Variants in GPATCH2 observed in about 807,000 individuals in gnomAD.
GPATCH2 encodes G patch domain-containing protein 2.
A neutral mutation model predicts 58.0 loss-of-function variants in GPATCH2; 51 were observed. The ratio of observed to expected loss-of-function variants is 0.88; its 90% confidence interval spans 0.70 to 1.11. GPATCH2 has a LOEUF of 1.11. Ranked by LOEUF, GPATCH2 falls within the 50% of genes most tolerant of loss-of-function variation. GPATCH2 has a pLI of 0.00. For synonymous variants in GPATCH2, 222 were observed against 218.5 expected, an observed-to-expected ratio of 1.02 and a Z score of -0.14; for missense variants, 625 against 652.2, an observed-to-expected ratio of 0.96 and a Z score of 0.45.
intron 6 of GPATCH2, among the ~76,000 whole-genome samples, chr1:217,514,355 C>T (rs190778931): frequency 7.4e-4 from 112 of 151,486 alleles, no homozygotes; most frequent in African/African-American, 2.6e-3. Context: ...AGATGGGTTT[C>T]GCCATGTTGG....
At chr1:217,528,086 G>T (rs1664009725) in intron 5 of GPATCH2, among the ~76,000 whole-genome samples, 3 of 152,130 alleles carry the variant, frequency 2.0e-5, no homozygotes, top group Admixed American at 2.0e-4. Context: ...GCATAAACAA[G>T]TTATGAATCA....
chr1:217,556,683 C>G (rs1305459661), intron 5 of GPATCH2, among the ~76,000 whole-genome samples: 3 of 152,104 alleles, frequency 2.0e-5, no homozygotes, highest in Non-Finnish European at 4.4e-5. Flanking sequence ...TTTTTACATG[C>G]CTCCTAGCAC....
intron 8 of GPATCH2, among the ~76,000 whole-genome samples, chr1:217,461,961 A>G (rs1660219472): frequency 6.6e-6 from 1 of 152,160 alleles, no homozygotes; most frequent in South Asian, 2.1e-4. Context: ...GTGAGGTATC[A>G]CGAGGCTTGT....
Position 217,428,672 on chromosome 1 carries a change from G to A in GPATCH2, c.*2473C>T, listed in dbSNP as rs950659222. 1.3e-5 allele frequency: 2 copies of A among 152,168 alleles called. No individual in the cohort carries two copies. Among genetic ancestry groups the A allele is most frequent in the Non-Finnish European group, 2.9e-5 (2 of 68,020 alleles). The allele number at this position is 152,168 out of a possible 1,614,324, so 9.4% of individuals were successfully genotyped here. A position where few individuals can be genotyped will look rare whatever the true frequency, so the allele number is the denominator to read the frequency against. On this transcript the variant is annotated 3_prime_UTR_variant, in exon 10 of 10. Coordinates refer to ENST00000366935, the MANE Select transcript of GPATCH2 (RefSeq NM_018040.5). Reference sequence around the variant, plus strand: ...CTGTACAATTAAACACTTCAACAGAGTAAGAAGTATTTTAAGTCCTCTGTG... The same window carrying A: ...CTGTACAATTAAACACTTCAACAGAATAAGAAGTATTTTAAGTCCTCTGTG...
chr1:217,444,182 A>G (rs897531455), intron 9 of GPATCH2, among the ~76,000 whole-genome samples: 6 of 152,216 alleles, frequency 3.9e-5, no homozygotes, highest in African/African-American at 1.4e-4. Flanking sequence ...AAGATTATTT[A>G]TCTTCCACAG....
At chr1:217,465,380 A>G (rs1660400517) in intron 8 of GPATCH2, among the ~76,000 whole-genome samples, 1 of 152,160 alleles carries the variant, frequency 6.6e-6, no homozygotes, top group South Asian at 2.1e-4. Flanking sequence ...CAACAAAACA[A>G]AACAAATATA....
At position 217,499,821 on chromosome 1, in the gene GPATCH2, C is replaced by A. The variant is rs182185162; in HGVS notation, c.1167-1426G>T. ...AAAAAACTAAAAGGATTAAAAACAG[C>A]AATTTCTTGTTCCATCTATCCTGAC... On this transcript the variant is annotated intron_variant, in intron 6 of 9. Transcript: ENST00000366935. Among the ~76,000 whole-genome samples the A allele has an allele frequency of 3.3e-3, 497 of 151,438 alleles. 1 individual carries two copies. The highest frequency in any genetic ancestry group is 0.011 in the African/African-American group (458 of 41,296).
At chr1:217,609,897 T>C (rs1668543021) in intron 5 of GPATCH2, 4 of 1,085,982 alleles carry the variant, frequency 3.7e-6, no homozygotes, top group Non-Finnish European at 4.5e-6. Context: ...AAAAAAACCA[T>C]AAAAGAGAAA....
chr1:217,621,898 T>C (rs746109066), intron 1 of GPATCH2, among the ~76,000 whole-genome samples: 8 of 152,228 alleles, frequency 5.3e-5, no homozygotes, highest in Non-Finnish European at 1.2e-4. Context: ...GTGTTTTACA[T>C]ATATTATTTC....
intron 5 of GPATCH2, among the ~76,000 whole-genome samples, chr1:217,558,256 C>A (rs1040955191): frequency 1.3e-5 from 2 of 152,126 alleles, no homozygotes; most frequent in East Asian, 3.9e-4. Context: ...TGAAGGGTTT[C>A]TGTGTGTAAC....
At chr1:217,502,070 T>C (rs1396908580) in intron 6 of GPATCH2, among the ~76,000 whole-genome samples, 2 of 152,060 alleles carry the variant, frequency 1.3e-5, no homozygotes, top group Admixed American at 6.6e-5. Flanking sequence ...TTCTGTTACA[T>C]TGATTTATGT....
intron 8 of GPATCH2, among the ~76,000 whole-genome samples, chr1:217,463,391 A>G (rs1167366877): frequency 2.6e-5 from 4 of 152,114 alleles, no homozygotes; most frequent in African/African-American, 9.7e-5. Context: ...TGCAGCTGGT[A>G]TATCGCATTC....
At chr1:217,463,674 A>AAAAG (rs1660306636) in intron 8 of GPATCH2, among the ~76,000 whole-genome samples, 1 of 137,032 alleles carries the variant, frequency 7.3e-6, no homozygotes, top group African/African-American at 2.9e-5. Flanking sequence ...AAAAAAAAAA[A>AAAAG]GGCAGGCATA....
intron 1 of GPATCH2, among the ~76,000 whole-genome samples, chr1:217,621,427 A>G (rs372892033): frequency 3.3e-5 from 5 of 152,276 alleles, no homozygotes; most frequent in African/African-American, 9.6e-5. Flanking sequence ...GCACCTAGGG[A>G]TTGAAATATT....
intron 7 of GPATCH2, 112 bp downstream of exon 7, chr1:217,498,244 T>A: frequency 1.2e-6 from 1 of 843,042 alleles, no homozygotes. Context: ...CCTTTTAAAA[T>A]GAGCGGGGAT....
chr1:217,550,499 G>A (rs1665296554), intron 5 of GPATCH2, among the ~76,000 whole-genome samples: 2 of 151,582 alleles, frequency 1.3e-5, no homozygotes, highest in African/African-American at 4.8e-5. Context: ...AAATACAAAC[G>A]GAAATTATGC....
chr1:217,596,049 C>G (rs1667812492), intron 5 of GPATCH2, among the ~76,000 whole-genome samples: 1 of 151,596 alleles, frequency 6.6e-6, no homozygotes, highest in Non-Finnish European at 1.5e-5. Context: ...CAAAAGATAC[C>G]AAAGAATAGG....
Position 217,429,541 on chromosome 1 carries a change from CTG to C in GPATCH2, c.*1602_*1603del. On this transcript the variant is annotated 3_prime_UTR_variant, in exon 10 of 10. Transcript: ENST00000366935. ...CCTTTAACACCTTTTAAAAACTCTTCTGGGGGCTGGGCGCTGTGGTTCATGCC... is the reference window on the plus strand; with the variant it reads ...CCTTTAACACCTTTTAAAAACTCTTCGGGGCTGGGCGCTGTGGTTCATGCC... 1 of 151,860 alleles carries C rather than the reference CTG, an allele frequency of 6.6e-6. No individual in the cohort carries two copies. 9.4% of individuals were successfully genotyped at this position (151,860 alleles called of 1,614,324 possible). A position where few individuals can be genotyped will look rare whatever the true frequency, so the allele number is the denominator to read the frequency against.
At chr1:217,480,453 C>G (rs1408504533) in intron 8 of GPATCH2, among the ~76,000 whole-genome samples, 1 of 152,130 alleles carries the variant, frequency 6.6e-6, no homozygotes, top group Non-Finnish European at 1.5e-5. Context: ...TATCATCTCA[C>G]CCCAGTTGAA....
Sources: allele counts gnomAD v4.1 joint callset (sites outside exome capture counted in the v4.1 genomes callset), GRCh38; gene constraint gnomAD v4.1.1; transcripts MANE v1.5; gene names NCBI Gene and HGNC (gene_info 2026-07-23, HGNC 2026-07-21).